ZNF317: variants seen among roughly 807,000 people sequenced by gnomAD.
ZNF317 encodes KRAB-containing zinc finger protein 317.
Under a neutral mutation model 23.4 loss-of-function variants are expected in ZNF317, and 17 were observed. That is an observed-to-expected ratio of 0.73 (90% CI 0.50 to 1.09). The LOEUF (loss-of-function observed/expected upper bound fraction) is 1.09, where lower values mean the gene tolerates loss of function less well. ZNF317 is among the 50% of genes least tolerant of loss of function. The pLI is 0.00. For synonymous variants in ZNF317, 317 were observed against 314.9 expected (o/e 1.01, Z -0.07); for missense variants, 679 against 796.7 (o/e 0.85, Z 1.78).
At chr19:9,148,064 C>G (rs951801510) in intron 1 of ZNF317, among the ~76,000 whole-genome samples, 1 of 152,172 alleles carries the variant, frequency 6.6e-6, no homozygotes, top group Admixed American at 6.6e-5. Context: ...TATGCTTTGC[C>G]TGCTTCCCTT....
At position 9,160,783 on chromosome 19, in the gene ZNF317, C is replaced by T; in HGVS notation, c.1138C>T (p.His380Tyr). The T allele has an allele frequency of 6.2e-7, 1 of 1,614,086 alleles. No homozygotes were observed. The highest frequency in any genetic ancestry group is 8.5e-7 in the Non-Finnish European group (1 of 1,180,016). ...CCGCTGGAAGTCCAACTTTAATTTG[C>T]ACAAGAAGAACCACATGGTGGAGAA... ...AFRWKSNFNL[H>Y]KKNHMVEKTY... The change falls in exon 7 of 7, where the codon CAC becomes TAC. Residue 380 changes from histidine to tyrosine, a missense_variant. By Grantham distance (83) the His-to-Tyr change is moderately conservative. Coordinates refer to ENST00000247956, the MANE Select transcript of ZNF317 (RefSeq NM_020933.5). The surrounding 1 kb of genome is among the most constrained non-coding windows in gnomAD (Gnocchi z 6.8).
At position 9,158,024 on chromosome 19, in the gene ZNF317, G is replaced by A; in HGVS notation, c.334G>A (p.Glu112Lys). 2 of 1,551,570 alleles carry A rather than the reference G, an allele frequency of 1.3e-6. No homozygotes were observed. The highest frequency in any genetic ancestry group is 1.7e-6 in the Non-Finnish European group (2 of 1,146,936). Reference protein sequence around the residue: ...KPSLISHLEQEEEPRTEERGA... With the variant: ...KPSLISHLEQKEEPRTEERGA... ...CAGCCTCATCTCACACTTGGAGCAG[G>A]AGGAGGAGCCGAGGACAGAGGAGAG... Residue 112 changes from glutamate to lysine, a missense_variant, in exon 5 of 7, where the codon GAG becomes AAG. Glu to Lys is a moderately conservative substitution (Grantham distance 56, BLOSUM62 1). Coordinates refer to ENST00000247956, the MANE Select transcript of ZNF317 (RefSeq NM_020933.5).
In ZNF317 at chr19:9,163,312, C is replaced by T. The variant is rs1348424329; in HGVS notation, c.*1879C>T. 6.6e-6 allele frequency: 1 copy of T among 152,250 alleles called. No individual in the cohort carries two copies. The highest frequency in any genetic ancestry group is 1.9e-4 in the East Asian group (1 of 5,200). The allele number at this position is 152,250 out of a possible 1,614,324, so 9.4% of individuals were successfully genotyped here. A position where few individuals can be genotyped will look rare whatever the true frequency, so the allele number is the denominator to read the frequency against. ...AGTGACTGCAGAAAGCTCACAGCGA[C>T]CCTGGCCTCCCCTGTGGCCTCTTTG... is the stretch of plus-strand genomic sequence containing the variant. On this transcript the variant is annotated 3_prime_UTR_variant, in exon 7 of 7. Transcript: ENST00000247956.
chr19:9,153,954 C>T (rs1018599348), intron 1 of ZNF317, among the ~76,000 whole-genome samples: 5 of 152,100 alleles, frequency 3.3e-5, no homozygotes, highest in African/African-American at 1.2e-4. Context: ...GGAGCCAGGG[C>T]AGGCATTGGT....
At chr19:9,159,744 A>C (rs1486463550) in intron 6 of ZNF317, among the ~76,000 whole-genome samples, 1 of 151,770 alleles carries the variant, frequency 6.6e-6, no homozygotes, top group Non-Finnish European at 1.5e-5. Flanking sequence ...ACAGCGTTTC[A>C]CCATGTTAGC....
At chr19:9,158,363 CTTTTTTTTTTTTTT>C (rs200591339) in intron 5 of ZNF317, among the ~76,000 whole-genome samples, 3 of 76,496 alleles carry the variant, frequency 3.9e-5, no homozygotes, top group Admixed American at 3.5e-4. Context: ...TTTCTTTTTT[CTTTTTTTTTTTTTT>C]TTTTTTTTTT....
In ZNF317 at chr19:9,140,400, G is replaced by T. The variant is rs1600219176; in HGVS notation, c.-285G>T. 2.6e-6 allele frequency: 1 copy of T among 389,168 alleles called. No homozygotes were observed. Among genetic ancestry groups the T allele is most frequent in the Non-Finnish European group, 5.2e-6 (1 of 192,764 alleles). The allele number at this position is 389,168 out of a possible 1,614,324, so 24.1% of individuals were successfully genotyped here. On this transcript the variant is annotated 5_prime_UTR_variant, in exon 1 of 7. Coordinates refer to ENST00000247956, the MANE Select transcript of ZNF317 (RefSeq NM_020933.5). ...CCCGCGAGAATTGGAAGGCGGCAGT[G>T]AAGCGGAAGCCATTACTCTCTGGAG...
Position 9,161,639 on chromosome 19 carries a change from A to T in ZNF317, c.*206A>T. The T allele has an allele frequency of 1.5e-6, 1 of 648,890 alleles. No individual in the cohort carries two copies. Among genetic ancestry groups the T allele is most frequent in the South Asian group, 2.3e-5 (1 of 44,354 alleles). The allele number at this position is 648,890 out of a possible 1,614,324, so 40.2% of individuals were successfully genotyped here. On this transcript the variant is annotated 3_prime_UTR_variant, in exon 7 of 7. Coordinates refer to ENST00000247956, the MANE Select transcript of ZNF317 (RefSeq NM_020933.5). This position sits in a 1 kb window ranked among gnomAD's most constrained non-coding sequence, Gnocchi z 4.0. ...GAACTCACGCCGGGGGTGAAAATGT[A>T]CGTCTGTAGCATGGAGAAGCCTTCA...
chr19:9,151,411 T>C (rs2050735105), intron 1 of ZNF317, among the ~76,000 whole-genome samples: 3 of 152,192 alleles, frequency 2.0e-5, no homozygotes, highest in Admixed American at 6.5e-5. Context: ...TAATTGATGT[T>C]GAAAAAGATT....
chr19:9,153,085 T>TC (rs2050749926), intron 1 of ZNF317, among the ~76,000 whole-genome samples: 1 of 152,232 alleles, frequency 6.6e-6, no homozygotes, highest in Non-Finnish European at 1.5e-5. Flanking sequence ...TTCATTTGTC[T>TC]CTGCTTTAAT....
chr19:9,141,360 C>T (rs537324009), intron 1 of ZNF317, among the ~76,000 whole-genome samples: 2 of 152,308 alleles, frequency 1.3e-5, no homozygotes, highest in South Asian at 2.1e-4. Flanking sequence ...ATTATTAAAT[C>T]TCAGAAAGCT....
At chr19:9,152,710 T>C (rs1322148241) in intron 1 of ZNF317, among the ~76,000 whole-genome samples, 2 of 152,192 alleles carry the variant, frequency 1.3e-5, no homozygotes, top group East Asian at 3.8e-4. Flanking sequence ...TTTTACCATA[T>C]ATTACAATGT....
Position 9,161,659 on chromosome 19 carries a change from C to G in ZNF317, c.*226C>G. 2 of 554,696 alleles carry G rather than the reference C, an allele frequency of 3.6e-6. No individual in the cohort carries two copies. The highest frequency in any genetic ancestry group is 6.2e-6 in the Non-Finnish European group (2 of 321,580). 34.4% of individuals were successfully genotyped at this position (554,696 alleles called of 1,614,324 possible). ...AATGTACGTCTGTAGCATGGAGAAG[C>G]CTTCAGGGTACATTCAGCTCTTAAC... On this transcript the variant is annotated 3_prime_UTR_variant, in exon 7 of 7. Transcript: ENST00000247956. The surrounding 1 kb of genome is among the most constrained non-coding windows in gnomAD (Gnocchi z 4.0).
At chr19:9,144,951 G>A (rs2050670122) in intron 1 of ZNF317, among the ~76,000 whole-genome samples, 1 of 151,938 alleles carries the variant, frequency 6.6e-6, no homozygotes. Flanking sequence ...CATTTTTGGT[G>A]GTAATAGAAT....
intron 1 of ZNF317, among the ~76,000 whole-genome samples, chr19:9,154,926 C>T (rs2050769398): frequency 6.6e-6 from 1 of 152,164 alleles, no homozygotes; most frequent in Non-Finnish European, 1.5e-5. Context: ...ATTTGCATTT[C>T]TCTAATGACT....
chr19:9,157,696 T>A (rs901448987), intron 4 of ZNF317: 23 of 461,214 alleles, frequency 5.0e-5, no homozygotes, highest in African/African-American at 2.1e-4. Context: ...TTTTTTTTTT[T>A]TTTTTTATTT....
intron 1 of ZNF317, among the ~76,000 whole-genome samples, chr19:9,152,785 C>T (rs934560343): frequency 6.6e-6 from 1 of 152,192 alleles, no homozygotes; most frequent in Non-Finnish European, 1.5e-5. Context: ...AACCATCCCC[C>T]CTCACCTCAC....
chr19:9,154,279 A>C (rs1484021562), intron 1 of ZNF317, among the ~76,000 whole-genome samples: 1 of 152,192 alleles, frequency 6.6e-6, no homozygotes, highest in Admixed American at 6.5e-5. Flanking sequence ...CATAGGTCTT[A>C]CTTAGGTGAT....
At chr19:9,151,046 T>C (rs561537797) in intron 1 of ZNF317, among the ~76,000 whole-genome samples, 7 of 152,278 alleles carry the variant, frequency 4.6e-5, no homozygotes, top group Non-Finnish European at 7.4e-5. Flanking sequence ...ATTTGTAGAA[T>C]TGGCATTAAT....
Sources: allele counts gnomAD v4.1 joint callset (sites outside exome capture counted in the v4.1 genomes callset), GRCh38; gene constraint gnomAD v4.1.1; non-coding constraint Gnocchi (gnomAD v3.1); transcripts MANE v1.5; gene names NCBI Gene and HGNC (gene_info 2026-07-23, HGNC 2026-07-21).